The following RARB variants were observed in gnomAD, a reference collection of about 807,000 sequenced individuals.
RARB encodes retinoic acid receptor beta, also known as HBV-activated protein.
In RARB, 17 loss-of-function variants were observed where a neutral mutation model predicts 51.9. The ratio of observed to expected loss-of-function variants is 0.33; its 90% confidence interval spans 0.22 to 0.49. The LOEUF (loss-of-function observed/expected upper bound fraction) is 0.49. Among genes scored for constraint, RARB ranks in the 20% least tolerant of loss-of-function variants. The pLI, the probability that RARB is intolerant of heterozygous loss-of-function variation, is 0.99. For missense variants in RARB, 369 were observed against 550.8 expected, an observed-to-expected ratio of 0.67 and a Z score of 3.30; for synonymous variants, 215 against 195.4, an observed-to-expected ratio of 1.10 and a Z score of -0.84.
At chr3:25,399,563 G>C (rs1344214862) in intron 5 of RARB, among the ~76,000 whole-genome samples, 4 of 152,096 alleles carry the variant, frequency 2.6e-5, no homozygotes, top group African/African-American at 9.7e-5. Context: ...AAACATGAAG[G>C]GAACTGGTAC....
At chr3:24,984,121 C>A (rs1559422439) in intron 2 of RARB, among the ~76,000 whole-genome samples, 1 of 152,090 alleles carries the variant, frequency 6.6e-6, no homozygotes, top group Non-Finnish European at 1.5e-5. Flanking sequence ...TTACAATGAT[C>A]AAGTAATTCT....
intron 5 of RARB, among the ~76,000 whole-genome samples, chr3:25,591,215 A>G (rs534286729): frequency 6.6e-6 from 1 of 152,334 alleles, no homozygotes; most frequent in African/African-American, 2.4e-5. Context: ...TCACTATGCC[A>G]CTTGATCATA....
chr3:25,474,585 TG>T (rs371781864), intron 2 of RARB, among the ~76,000 whole-genome samples: 162 of 152,322 alleles, frequency 1.1e-3, no homozygotes, highest in African/African-American at 3.7e-3. Flanking sequence ...ACATTTATTC[TG>T]TTTGGCTCTA....
intron 2 of RARB, among the ~76,000 whole-genome samples, chr3:24,880,694 C>T (rs756447076): frequency 5.9e-5 from 9 of 152,028 alleles, no homozygotes; most frequent in African/African-American, 2.2e-4. Context: ...TAACATATCT[C>T]AACAATTTGA....
intron 4 of RARB, among the ~76,000 whole-genome samples, chr3:25,134,362 G>T (rs1699998173): frequency 6.6e-6 from 1 of 151,906 alleles, no homozygotes; most frequent in African/African-American, 2.4e-5. Flanking sequence ...CCAGCTGCTT[G>T]GGTTTCCATC....
intron 2 of RARB, among the ~76,000 whole-genome samples, chr3:25,463,387 A>C (rs1293564418): frequency 6.6e-6 from 1 of 151,810 alleles, no homozygotes; most frequent in Non-Finnish European, 1.5e-5. Context: ...AAATTTGGCC[A>C]GGTGCAGTGG....
intron 3 of RARB, among the ~76,000 whole-genome samples, chr3:25,079,858 C>CT (rs2125312356): frequency 6.6e-6 from 1 of 152,164 alleles, no homozygotes; most frequent in South Asian, 2.1e-4. Context: ...GTTTAGTTTT[C>CT]TTAACAGGAT....
intron 5 of RARB, among the ~76,000 whole-genome samples, chr3:25,283,108 C>T (rs1559343350): frequency 6.6e-6 from 1 of 152,164 alleles, no homozygotes; most frequent in Non-Finnish European, 1.5e-5. Flanking sequence ...CACATTTACC[C>T]ATCTGAGTCT....
At chr3:24,972,208 T>C (rs921603300) in intron 2 of RARB, among the ~76,000 whole-genome samples, 1 of 151,952 alleles carries the variant, frequency 6.6e-6, no homozygotes, top group African/African-American at 2.4e-5. Flanking sequence ...AAATCCACTC[T>C]TTTAGCTCCC....
intron 5 of RARB, among the ~76,000 whole-genome samples, chr3:25,279,248 C>A (rs1304051115): frequency 6.6e-6 from 1 of 152,162 alleles, no homozygotes; most frequent in African/African-American, 2.4e-5. Context: ...CTTCAAACTT[C>A]CTTCTACTCA....
intron 3 of RARB, among the ~76,000 whole-genome samples, chr3:25,508,117 T>C (rs1380670641): frequency 1.3e-5 from 2 of 152,180 alleles, no homozygotes; most frequent in Non-Finnish European, 2.9e-5. Context: ...TTTCACAGCA[T>C]TTTTTTCCTA....
intron 2 of RARB, among the ~76,000 whole-genome samples, chr3:25,464,268 A>G (rs918369643): frequency 2.0e-5 from 3 of 152,162 alleles, no homozygotes; most frequent in African/African-American, 7.2e-5. Flanking sequence ...CATGATCTGT[A>G]TAGCACAAAC....
At chr3:25,592,179 C>T (rs1701637735) in intron 5 of RARB, among the ~76,000 whole-genome samples, 1 of 152,212 alleles carries the variant, frequency 6.6e-6, no homozygotes, top group African/African-American at 2.4e-5. Flanking sequence ...TCAGAGGCCA[C>T]TCCTCTCTGC....
chr3:25,293,642 C>G (rs1703845612), intron 5 of RARB, among the ~76,000 whole-genome samples: 1 of 129,412 alleles, frequency 7.7e-6, no homozygotes, highest in Admixed American at 9.5e-5. Flanking sequence ...AAGCAGCTGT[C>G]TATGACAATA....
chr3:25,513,020 T>C (rs546645246), intron 3 of RARB, among the ~76,000 whole-genome samples: 2 of 151,336 alleles, frequency 1.3e-5, no homozygotes, highest in Admixed American at 6.6e-5. Context: ...CTGGGTGCGA[T>C]GGCTCATGCC....
At chr3:25,418,329 A>G (rs1229216821) in intron 5 of RARB, among the ~76,000 whole-genome samples, 1 of 152,196 alleles carries the variant, frequency 6.6e-6, no homozygotes, top group Non-Finnish European at 1.5e-5. Flanking sequence ...ACTAATGCCA[A>G]ACATTACATG....
chr3:24,916,812 A>T (rs1695117332), intron 2 of RARB, among the ~76,000 whole-genome samples: 1 of 148,788 alleles, frequency 6.7e-6, no homozygotes, highest in Non-Finnish European at 1.5e-5. Context: ...TACATGTTTT[A>T]ACACCCCAAA....
chr3:25,059,167 G>A (rs67612105), intron 2 of RARB, among the ~76,000 whole-genome samples: 24,419 of 151,588 alleles, frequency 0.16, 2,042 homozygotes, highest in African/African-American at 0.2. Flanking sequence ...TATAATTTTA[G>A]TGGCTGCATA....
intron 2 of RARB, among the ~76,000 whole-genome samples, chr3:25,479,191 C>T (rs78450830): frequency 0.015 from 2,229 of 151,610 alleles, 54 homozygotes; most frequent in African/African-American, 0.051. Context: ...TGTGAATTTT[C>T]GTGAAGTACA....
Sources: gnomAD v4.1 joint callset for allele counts (sites outside exome capture counted in the v4.1 genomes callset) on GRCh38, gnomAD v4.1.1 for gene constraint, MANE v1.5 for transcripts, NCBI Gene and HGNC (gene_info 2026-07-23, HGNC 2026-07-21) for gene names.